USP34: variants seen among roughly 807,000 people sequenced by gnomAD.
USP34 encodes the protein ubiquitin carboxyl-terminal hydrolase 34.
In USP34, 70 loss-of-function variants were observed where a neutral mutation model predicts 460.3. The ratio of observed to expected loss-of-function variants is 0.15; its 90% CI spans 0.13 to 0.19. USP34 has a LOEUF of 0.19. Ranked by LOEUF, USP34 falls within the 10% of genes least tolerant of loss-of-function variation. USP34 has a pLI of 1.00. For synonymous variants in USP34, 1,647 were observed against 1,405.3 expected, an observed-to-expected ratio of 1.17 and a Z score of -3.85; for missense variants, 3,985 against 4,236.2, an observed-to-expected ratio of 0.94 and a Z score of 1.65.
rs375312777 is a variant in USP34 at position 61,293,600 on chromosome 2, C to G, written c.4462-50G>C. 3.0e-5 allele frequency: 41 copies of G among 1,385,880 alleles called. No homozygotes were observed. The African/African-American group carries it at 5.6e-4, about 19-fold the overall frequency. 85.8% of individuals were successfully genotyped at this position (1,385,880 alleles called of 1,614,324 possible). On this transcript the variant is annotated intron_variant, in intron 32 of 79. Coordinates refer to ENST00000398571, the MANE Select transcript of USP34 (RefSeq NM_014709.4). ...GTAAGAGAAAAGCAGATATATAATG[C>G]AATAATGCTTGTTGATTCAGTAACT...
chr2:61,283,545 C>A, intron 35 of USP34, 96 bp from the exon 36 acceptor site: 1 of 1,346,088 alleles, frequency 7.4e-7, no homozygotes, highest in Admixed American at 2.2e-5. Flanking sequence ...TTATCACTTC[C>A]CCCCCAAAAA....
intron 4 of USP34, 46 bp downstream of exon 4, chr2:61,395,137 A>G (rs1309020126): frequency 2.0e-6 from 3 of 1,478,938 alleles, no homozygotes; most frequent in Non-Finnish European, 2.8e-6. Flanking sequence ...GGCTTTGTTA[A>G]AAAAATAAAA....
At chr2:61,336,809 CAAA>C (rs10593128) in intron 18 of USP34, among the ~76,000 whole-genome samples, 190 of 65,032 alleles carry the variant, frequency 2.9e-3, no homozygotes, top group Middle Eastern at 9.4e-3. Flanking sequence ...GACTCCATCT[CAAA>C]AAAAAAAAAA....
At chr2:61,366,934 A>G (rs1692459157) in intron 10 of USP34, among the ~76,000 whole-genome samples, 1 of 152,146 alleles carries the variant, frequency 6.6e-6, no homozygotes, top group Non-Finnish European at 1.5e-5. Context: ...CTGTAGTCCC[A>G]GCTACTTAGG....
intron 27 of USP34, among the ~76,000 whole-genome samples, chr2:61,310,622 A>G (rs1160112085): frequency 1.3e-5 from 2 of 150,614 alleles, no homozygotes; most frequent in African/African-American, 4.9e-5. Context: ...CATATATATT[A>G]AATATCAGAT....
At chr2:61,443,324 G>C (rs1695018334) in intron 1 of USP34, among the ~76,000 whole-genome samples, 1 of 152,102 alleles carries the variant, frequency 6.6e-6, no homozygotes, top group Non-Finnish European at 1.5e-5. Flanking sequence ...ATAAATGTTT[G>C]AGATGAATAC....
chr2:61,457,156 G>T (rs1220156217), intron 1 of USP34, among the ~76,000 whole-genome samples: 1 of 152,202 alleles, frequency 6.6e-6, no homozygotes, highest in Non-Finnish European at 1.5e-5. Context: ...CAGGCTTATA[G>T]TCCCAGCTAC....
At chr2:61,305,892 C>T (rs1343972773) in intron 27 of USP34, among the ~76,000 whole-genome samples, 2 of 152,006 alleles carry the variant, frequency 1.3e-5, no homozygotes, top group African/African-American at 4.8e-5. Flanking sequence ...AGTTCTAAAA[C>T]AGAAGTGTCT....
chr2:61,288,908 A>G lies in USP34; in HGVS notation c.4549-31T>C, dbSNP rs757382682. ...AATGAGAAGAAATAGTCAATTCCCT[A>G]TTTTCATTAATTTAGAATGGCCACA... is the stretch of plus-strand genomic sequence containing the variant. On this transcript the variant is annotated intron_variant, in intron 33 of 79. Transcript: ENST00000398571. 1.0e-5 allele frequency: 16 copies of G among 1,599,486 alleles called. No individual in the cohort carries two copies. In the Admixed American group the frequency reaches 1.2e-4, roughly 12 times the overall value.
intron 58 of USP34, 30 bp from the exon 59 acceptor site, chr2:61,229,663 G>C (rs894182716): frequency 6.4e-7 from 1 of 1,564,436 alleles, no homozygotes; most frequent in Admixed American, 1.8e-5. Flanking sequence ...TCAAACAAGA[G>C]CCAACTCATC....
intron 41 of USP34, among the ~76,000 whole-genome samples, chr2:61,266,519 C>T (rs1325396700): frequency 6.6e-6 from 1 of 152,186 alleles, no homozygotes; most frequent in Non-Finnish European, 1.5e-5. Flanking sequence ...CCCCTTACTT[C>T]ACTCTACTAA....
chr2:61,303,884 A>G (rs571870565), intron 27 of USP34, among the ~76,000 whole-genome samples: 32 of 149,268 alleles, frequency 2.1e-4, no homozygotes, highest in Admixed American at 3.3e-4. Flanking sequence ...GTGAGCCATT[A>G]ATACTTTGGT....
chr2:61,210,667 C>T (rs1687249664), intron 69 of USP34, among the ~76,000 whole-genome samples: 1 of 152,128 alleles, frequency 6.6e-6, no homozygotes, highest in Admixed American at 6.5e-5. Flanking sequence ...AACTGGAAAT[C>T]CTTCTACTTT....
At chr2:61,402,114 A>C (rs1442030775) in intron 3 of USP34, among the ~76,000 whole-genome samples, 1 of 151,830 alleles carries the variant, frequency 6.6e-6, no homozygotes, top group Non-Finnish European at 1.5e-5. Flanking sequence ...AAAAGTAATA[A>C]TAAAATAAAA....
rs781603364 is a variant in USP34, at chr2:61,470,704, C to T, written c.-12G>A. The T allele has an allele frequency of 2.5e-6, 4 of 1,588,654 alleles. No individual in the cohort carries two copies. The highest frequency in any genetic ancestry group is 1.1e-5 in the South Asian group (1 of 89,230). On this transcript the variant is annotated 5_prime_UTR_variant, in exon 1 of 80. Coordinates refer to ENST00000398571, the MANE Select transcript of USP34 (RefSeq NM_014709.4). ...CAGTTCTCGCACATCGTTCGGCCGC[C>T]GCCCCCCCCCTCCCCCGCTTCGGAT...
chr2:61,357,536 G>A (rs1692143689), intron 10 of USP34, among the ~76,000 whole-genome samples: 1 of 151,994 alleles, frequency 6.6e-6, no homozygotes, highest in Admixed American at 6.5e-5. Flanking sequence ...GGAACTACAA[G>A]AGAAACAAAC....
At chr2:61,463,846 A>C (rs1443588229) in intron 1 of USP34, among the ~76,000 whole-genome samples, 2 of 151,978 alleles carry the variant, frequency 1.3e-5, no homozygotes, top group South Asian at 4.1e-4. Context: ...AAAAAAAAAA[A>C]AACTCTTAGC....
chr2:61,201,329 C>A (rs1686971068), intron 75 of USP34, among the ~76,000 whole-genome samples: 4 of 150,762 alleles, frequency 2.7e-5, no homozygotes, highest in African/African-American at 7.3e-5. Flanking sequence ...AATTCTCTGG[C>A]CTCTCAGTCT....
At chr2:61,361,254 A>G (rs1255930345) in intron 10 of USP34, among the ~76,000 whole-genome samples, 1 of 152,064 alleles carries the variant, frequency 6.6e-6, no homozygotes, top group Non-Finnish European at 1.5e-5. Context: ...CTACAAAACA[A>G]TTTAAAAAAA....
Sources: gnomAD v4.1 joint callset for allele counts (sites outside exome capture counted in the v4.1 genomes callset) on GRCh38, gnomAD v4.1.1 for gene constraint, MANE v1.5 for transcripts, NCBI Gene and HGNC (gene_info 2026-07-23, HGNC 2026-07-21) for gene names.